MALRD1: variants seen among roughly 807,000 people sequenced by gnomAD.
The protein encoded by MALRD1 is MAM and LDL receptor class A domain containing 1.
MALRD1 carries 247 observed loss-of-function variants against 242.1 expected under a neutral mutation model. The ratio of observed to expected loss-of-function variants is 1.02; its 90% CI spans 0.92 to 1.13. The LOEUF is 1.13. MALRD1 is among the 50% of genes most tolerant of loss of function. The pLI is 0.00. For synonymous variants in MALRD1, 995 were observed against 866.6 expected (o/e 1.15, Z -2.60); for missense variants, 2,989 against 2,533.1 (o/e 1.18, Z -3.86).
intron 14 of MALRD1, among the ~76,000 whole-genome samples, chr10:19,201,693 C>A (rs539053597): frequency 4.7e-4 from 71 of 152,280 alleles, no homozygotes; most frequent in African/African-American, 1.5e-3. Flanking sequence ...ATGGAGATAG[C>A]TTTTAATCCT....
At chr10:19,467,802 T>C (rs111680584) in intron 29 of MALRD1, among the ~76,000 whole-genome samples, 6 of 5,258 alleles carry the variant, frequency 1.1e-3, no homozygotes, top group Non-Finnish European at 2.1e-3. Flanking sequence ...ATTAAAATAA[T>C]TTTTTTTTTG....
At chr10:19,221,085 G>A (rs937708797) in intron 18 of MALRD1, among the ~76,000 whole-genome samples, 3 of 152,106 alleles carry the variant, frequency 2.0e-5, no homozygotes, top group African/African-American at 7.2e-5. Context: ...TTTCCCCCAG[G>A]AGGATTTTGT....
At chr10:19,332,712 C>A (rs983989226) in intron 24 of MALRD1, among the ~76,000 whole-genome samples, 2 of 152,060 alleles carry the variant, frequency 1.3e-5, no homozygotes, top group African/African-American at 4.8e-5. Flanking sequence ...ATGTTCAAAG[C>A]CTTTTTATTT....
At chr10:19,669,677 T>G (rs1326320442) in intron 36 of MALRD1, among the ~76,000 whole-genome samples, 2 of 152,136 alleles carry the variant, frequency 1.3e-5, no homozygotes, top group Non-Finnish European at 2.9e-5. Flanking sequence ...ATTAGATAAT[T>G]AACTCCAGAA....
intron 19 of MALRD1, among the ~76,000 whole-genome samples, chr10:19,276,107 CT>C (rs1293305282): frequency 6.6e-6 from 1 of 152,116 alleles, no homozygotes; most frequent in Non-Finnish European, 1.5e-5. Flanking sequence ...TAAACTAAAA[CT>C]TTATTATCTA....
intron 28 of MALRD1, among the ~76,000 whole-genome samples, chr10:19,397,903 A>G (rs1255313587): frequency 6.6e-6 from 1 of 150,654 alleles, no homozygotes; most frequent in Non-Finnish European, 1.5e-5. Flanking sequence ...CCTGATGATT[A>G]GTGATGCCGA....
chr10:19,469,539 C>T (rs779876331), intron 29 of MALRD1, among the ~76,000 whole-genome samples: 2 of 152,106 alleles, frequency 1.3e-5, no homozygotes, highest in Non-Finnish European at 2.9e-5. Flanking sequence ...TTATCAATTA[C>T]TTTATGTAAT....
intron 28 of MALRD1, among the ~76,000 whole-genome samples, chr10:19,440,275 T>A (rs1222486334): frequency 6.6e-6 from 1 of 152,196 alleles, no homozygotes; most frequent in Non-Finnish European, 1.5e-5. Context: ...CTATTCTGTT[T>A]CATATTTTTT....
In MALRD1 at chr10:19,203,786, C is replaced by T. The variant is rs1298333552; in HGVS notation, c.2010C>T (p.Asp670=). ...ATTGGTTTGAAGCAATTAGTGGTGACCATTTTGACTGGATACGGAGCTCTC... is the reference window on the plus strand; with the variant it reads ...ATTGGTTTGAAGCAATTAGTGGTGATCATTTTGACTGGATACGGAGCTCTC... The part of the protein sequence containing the change: ...SCDWFEAISG[D]HFDWIRSSQS... The change falls in exon 15 of 40, where the codon GAC becomes GAT. Residue 670 remains aspartate (D), a synonymous_variant. Coordinates refer to ENST00000454679, the MANE Select transcript of MALRD1 (RefSeq NM_001142308.3). 1.1e-5 allele frequency: 17 copies of T among 1,550,502 alleles called. No individual in the cohort carries two copies. Among genetic ancestry groups the T allele is most frequent in the African/African-American group, 6.8e-5 (5 of 73,008 alleles).
chr10:19,185,876 G>A (rs1187455133), intron 14 of MALRD1, among the ~76,000 whole-genome samples: 2 of 150,948 alleles, frequency 1.3e-5, no homozygotes, highest in African/African-American at 2.4e-5. Context: ...TTTTTTCAGT[G>A]TATTTTCTGA....
intron 19 of MALRD1, among the ~76,000 whole-genome samples, chr10:19,259,230 C>A (rs1396966522): frequency 1.3e-5 from 2 of 152,104 alleles, no homozygotes; most frequent in Admixed American, 1.3e-4. Flanking sequence ...ACCCCTTATA[C>A]CTCTTGAATT....
At chr10:19,730,006 G>A (rs1342445011) in intron 38 of MALRD1, among the ~76,000 whole-genome samples, 1 of 151,938 alleles carries the variant, frequency 6.6e-6, no homozygotes, top group Non-Finnish European at 1.5e-5. Flanking sequence ...CGAAGTGCTG[G>A]GATTACAGGC....
intron 36 of MALRD1, among the ~76,000 whole-genome samples, chr10:19,631,430 T>C (rs1839898704): frequency 6.6e-6 from 1 of 152,208 alleles, no homozygotes. Flanking sequence ...ATCTTTGATA[T>C]TGTGAATAGT....
intron 1 of MALRD1, among the ~76,000 whole-genome samples, chr10:19,061,982 G>A (rs1008420337): frequency 1.3e-5 from 2 of 152,040 alleles, no homozygotes; most frequent in Non-Finnish European, 2.9e-5. Context: ...AGAGTGAAAA[G>A]GCAATCCACA....
chr10:19,491,705 G>C, intron 30 of MALRD1, 60 bp downstream of exon 30: 1 of 1,508,346 alleles, frequency 6.6e-7, no homozygotes, highest in South Asian at 1.2e-5. Flanking sequence ...TTCATAAGTA[G>C]AGTTAGATAT....
intron 21 of MALRD1, among the ~76,000 whole-genome samples, chr10:19,283,979 C>T (rs1840960922): frequency 1.3e-5 from 2 of 152,122 alleles, no homozygotes; most frequent in Non-Finnish European, 2.9e-5. Context: ...ATGGTGTTAA[C>T]TGCTACACAG....
chr10:19,095,295 G>C (rs1467404528), intron 4 of MALRD1, among the ~76,000 whole-genome samples: 1 of 152,080 alleles, frequency 6.6e-6, no homozygotes, highest in Non-Finnish European at 1.5e-5. Context: ...ACTATAATTT[G>C]GAATTTTCAG....
chr10:19,162,114 A>C (rs1834457502), intron 12 of MALRD1, among the ~76,000 whole-genome samples: 1 of 152,200 alleles, frequency 6.6e-6, no homozygotes, highest in Non-Finnish European at 1.5e-5. Context: ...GTTTAATTTT[A>C]ATTAATTTAA....
intron 31 of MALRD1, among the ~76,000 whole-genome samples, chr10:19,520,014 G>A (rs1401890111): frequency 1.3e-5 from 2 of 152,106 alleles, no homozygotes; most frequent in African/African-American, 4.8e-5. Flanking sequence ...GTGACCCTTT[G>A]TAGCTACTAT....
Sources: gnomAD v4.1 joint callset for allele counts (sites outside exome capture counted in the v4.1 genomes callset) on GRCh38, gnomAD v4.1.1 for gene constraint, MANE v1.5 for transcripts, NCBI Gene and HGNC (gene_info 2026-07-23, HGNC 2026-07-21) for gene names.